Variants in BICRAL observed in about 807,000 individuals in gnomAD.
BICRAL encodes the protein BICRA like chromatin remodeling complex associated protein.
A neutral mutation model predicts 91.8 loss-of-function variants in BICRAL; 8 were observed. The observed-to-expected ratio is 0.09, with a 90% confidence interval of 0.05 to 0.16. The LOEUF (loss-of-function observed/expected upper bound fraction) is 0.16. Ranked by LOEUF, BICRAL falls within the 10% of genes least tolerant of loss-of-function variation. The pLI, the probability that BICRAL is intolerant of heterozygous loss-of-function variation, is 1.00. For missense variants in BICRAL, 1,038 were observed against 1,310.9 expected, an observed-to-expected ratio of 0.79 and a Z score of 3.21; for synonymous variants, 445 against 491.1, an observed-to-expected ratio of 0.91 and a Z score of 1.24.
intron 1 of BICRAL, among the ~76,000 whole-genome samples, chr6:42,799,869 ATATT>A (rs201720820): frequency 3.4e-4 from 52 of 151,258 alleles, no homozygotes; most frequent in South Asian, 4.2e-4. Context: ...TCTTTCTTAA[ATATT>A]TATTTATTTA....
chr6:42,752,724 C>T (rs1038493856), intron 1 of BICRAL, among the ~76,000 whole-genome samples: 17 of 152,042 alleles, frequency 1.1e-4, no homozygotes, highest in African/African-American at 3.6e-4. Context: ...CTGCCCCAGC[C>T]TCCTTAGTAG....
intron 7 of BICRAL, among the ~76,000 whole-genome samples, chr6:42,853,082 A>T (rs1292794661): frequency 6.6e-6 from 1 of 151,478 alleles, no homozygotes; most frequent in Non-Finnish European, 1.5e-5. Flanking sequence ...AAAAAAAAAA[A>T]GAAAAGGTAT....
chr6:42,764,797 C>G (rs1212634813), intron 1 of BICRAL, among the ~76,000 whole-genome samples: 1 of 151,924 alleles, frequency 6.6e-6, no homozygotes, highest in Non-Finnish European at 1.5e-5. Context: ...GTAACTGGTA[C>G]TACAGGCGTG....
chr6:42,851,593 A>C (rs1394682762), intron 6 of BICRAL, among the ~76,000 whole-genome samples: 2 of 152,204 alleles, frequency 1.3e-5, no homozygotes, highest in Non-Finnish European at 2.9e-5. Flanking sequence ...AACTAGAGAT[A>C]TACCAGATGG....
chr6:42,760,073 C>T (rs192100371), intron 1 of BICRAL, among the ~76,000 whole-genome samples: 5 of 151,756 alleles, frequency 3.3e-5, no homozygotes, highest in East Asian at 1.9e-4. Context: ...GGTGAAAGCC[C>T]GTCTGTACTA....
chr6:42,789,273 G>A (rs1763197401), intron 1 of BICRAL, among the ~76,000 whole-genome samples: 1 of 152,128 alleles, frequency 6.6e-6, no homozygotes, highest in Admixed American at 6.5e-5. Context: ...TAACTCTATA[G>A]AGAAATAAAG....
At chr6:42,750,782 G>T (rs1762364903) in intron 1 of BICRAL, among the ~76,000 whole-genome samples, 1 of 150,340 alleles carries the variant, frequency 6.7e-6, no homozygotes, top group Non-Finnish European at 1.5e-5. Flanking sequence ...TCACCATGTT[G>T]GGCCAGGCTG....
chr6:42,840,925 T>C (rs1187063243), intron 6 of BICRAL, among the ~76,000 whole-genome samples: 1 of 150,918 alleles, frequency 6.6e-6, no homozygotes, highest in Non-Finnish European at 1.5e-5. Context: ...AATACAAAAA[T>C]TAACCAGGTG....
intron 1 of BICRAL, among the ~76,000 whole-genome samples, chr6:42,770,321 C>T (rs531729771): frequency 1.3e-5 from 2 of 152,144 alleles, no homozygotes; most frequent in Admixed American, 6.5e-5. Context: ...CTTCGCCTCT[C>T]GGGTTCAAGC....
intron 6 of BICRAL, among the ~76,000 whole-genome samples, chr6:42,845,683 C>G (rs978316224): frequency 1.3e-5 from 2 of 151,990 alleles, no homozygotes; most frequent in African/African-American, 4.8e-5. Flanking sequence ...TACATTATTC[C>G]AAACCAAGCA....
At chr6:42,856,769 G>A (rs1301165759) in intron 9 of BICRAL, among the ~76,000 whole-genome samples, 2 of 151,998 alleles carry the variant, frequency 1.3e-5, no homozygotes, top group African/African-American at 4.8e-5. Flanking sequence ...GGAAAAGCGT[G>A]GTTTGGTAAA....
chr6:42,751,383 T>C (rs1368615049), intron 1 of BICRAL, among the ~76,000 whole-genome samples: 1 of 152,226 alleles, frequency 6.6e-6, no homozygotes, highest in Non-Finnish European at 1.5e-5. Flanking sequence ...TGCATTTTGC[T>C]GGTTGCATCT....
intron 1 of BICRAL, among the ~76,000 whole-genome samples, chr6:42,786,417 A>G (rs1446762914): frequency 1.3e-5 from 2 of 152,120 alleles, no homozygotes; most frequent in East Asian, 3.9e-4. Flanking sequence ...CTTGTTTTTT[A>G]TGGTAAATGC....
chr6:42,776,693 C>T (rs1264701338), intron 1 of BICRAL, among the ~76,000 whole-genome samples: 4 of 152,140 alleles, frequency 2.6e-5, no homozygotes, highest in African/African-American at 9.7e-5. Context: ...TCTCCTCCAA[C>T]CAACCTGAGA....
At chr6:42,752,942 G>A (rs182733449) in intron 1 of BICRAL, among the ~76,000 whole-genome samples, 3 of 141,314 alleles carry the variant, frequency 2.1e-5, no homozygotes, top group African/African-American at 2.7e-5. Flanking sequence ...TTTTGGTTGG[G>A]GGGGTACGGA....
upstream of BICRAL, among the ~76,000 whole-genome samples, chr6:42,777,262 T>C (rs1762820066): frequency 6.6e-6 from 1 of 152,186 alleles, no homozygotes; most frequent in African/African-American, 2.4e-5. Flanking sequence ...TTACACTAGT[T>C]CCTGAACGCT....
chr6:42,840,454 G>T lies in BICRAL; in HGVS notation c.1839+10282G>T, dbSNP rs572385304. 9.2e-5 allele frequency among the ~76,000 whole-genome samples: 14 copies of T among 151,910 alleles called. No individual in the cohort carries two copies. In the South Asian group the frequency reaches 2.5e-3, roughly 27 times the overall value. Reference sequence around the variant, plus strand: ...GACAGGGTTTCACCGTGTTAGCCAGGATGGTCTCGATCTCCTGACCTCGTG... The same window carrying T: ...GACAGGGTTTCACCGTGTTAGCCAGTATGGTCTCGATCTCCTGACCTCGTG... On this transcript the variant is annotated intron_variant, in intron 6 of 12. Coordinates refer to ENST00000314073, the MANE Select transcript of BICRAL (RefSeq NM_001393499.1).
intron 5 of BICRAL, among the ~76,000 whole-genome samples, chr6:42,826,558 C>T (rs1272988025): frequency 6.6e-6 from 1 of 151,844 alleles, no homozygotes; most frequent in Non-Finnish European, 1.5e-5. Context: ...CCTCCAGGGG[C>T]ATCTAGGCAA....
chr6:42,855,406 G>T (rs1317517554), intron 8 of BICRAL, among the ~76,000 whole-genome samples: 1 of 152,166 alleles, frequency 6.6e-6, no homozygotes. Context: ...AACAGGCGTG[G>T]TGGTGCATAC....
Sources: allele counts gnomAD v4.1 joint callset (sites outside exome capture counted in the v4.1 genomes callset), GRCh38; gene constraint gnomAD v4.1.1; transcripts MANE v1.5; gene names NCBI Gene and HGNC (gene_info 2026-07-23, HGNC 2026-07-21).